HERC5: variants seen among roughly 807,000 people sequenced by gnomAD.
HERC5 encodes E3 ISG15--protein ligase HERC5.
HERC5 carries 99 observed loss-of-function variants against 119.6 expected under a neutral mutation model. That is an observed-to-expected ratio of 0.83 (90% CI 0.70 to 0.98). The LOEUF (loss-of-function observed/expected upper bound fraction) is 0.98, where lower values mean the gene tolerates loss of function less well. Among genes scored for constraint, HERC5 ranks in the 50% least tolerant of loss-of-function variants. The pLI is 0.00. For missense variants in HERC5, 1,267 were observed against 1,241.3 expected (o/e 1.02, Z -0.31); for synonymous variants, 478 against 445.9 (o/e 1.07, Z -0.91).
intron 20 of HERC5, among the ~76,000 whole-genome samples, chr4:88,501,785 T>C (rs762217360): frequency 1.3e-5 from 2 of 151,928 alleles, no homozygotes; most frequent in Non-Finnish European, 2.9e-5. Context: ...TATATCACAG[T>C]TTATTTATCT....
In HERC5 at chr4:88,471,677, A is replaced by G. The variant is rs568355339; in HGVS notation, c.1299-732A>G. Among the ~76,000 whole-genome samples the G allele has an allele frequency of 2.0e-5, 3 of 152,272 alleles. No homozygotes were observed. The East Asian group carries it at 5.8e-4, about 29-fold the overall frequency. ...AATGGCTGCATGACCTTCCATTAGA[A>G]GGTCTTCCATGAGAAGATACTTAAA... is the stretch of plus-strand genomic sequence containing the variant. On this transcript the variant is annotated intron_variant, in intron 10 of 22. Coordinates refer to ENST00000264350, the MANE Select transcript of HERC5 (RefSeq NM_016323.4).
At chr4:88,457,776 G>A (rs1191875463) in intron 1 of HERC5, 2 of 660,012 alleles carry the variant, frequency 3.0e-6, no homozygotes, top group African/African-American at 3.8e-5. Context: ...CAAAGTGGCC[G>A]GTGCGGGGCA....
At chr4:88,476,320 C>T in intron 12 of HERC5, among the ~76,000 whole-genome samples, 1 of 152,026 alleles carries the variant, frequency 6.6e-6, no homozygotes, top group Non-Finnish European at 1.5e-5. Flanking sequence ...TATGGTATAC[C>T]ATATGCAATA....
intron 13 of HERC5, among the ~76,000 whole-genome samples, chr4:88,483,408 A>C (rs59412540): frequency 6.7e-6 from 1 of 148,218 alleles, no homozygotes; most frequent in Non-Finnish European, 1.5e-5. Flanking sequence ...GGGCCTAACT[A>C]TGTTGCTCAG....
intron 11 of HERC5, among the ~76,000 whole-genome samples, chr4:88,474,564 G>A (rs1429467022): frequency 1.3e-5 from 2 of 152,322 alleles, no homozygotes; most frequent in Non-Finnish European, 1.5e-5. Context: ...GAATCTCATC[G>A]TAGGAGTCCA....
intron 11 of HERC5, among the ~76,000 whole-genome samples, chr4:88,475,195 C>A (rs1346116212): frequency 6.9e-6 from 1 of 143,928 alleles, no homozygotes; most frequent in African/African-American, 2.6e-5. Context: ...AAAAAAGAAA[C>A]CCACGGTGTG....
At chr4:88,462,505 C>T in intron 4 of HERC5, 149 bp downstream of exon 4, 1 of 676,016 alleles carries the variant, frequency 1.5e-6, no homozygotes, top group African/African-American at 1.8e-5. Flanking sequence ...CAGAATCAGT[C>T]CAAGAGGCAT....
At chr4:88,466,767 G>A (rs1463173110) in intron 6 of HERC5, among the ~76,000 whole-genome samples, 1 of 152,214 alleles carries the variant, frequency 6.6e-6, no homozygotes, top group Non-Finnish European at 1.5e-5. Flanking sequence ...TTTCCAAGAG[G>A]TGGTGACTCA....
chr4:88,468,233 A>G (rs1030215104), intron 7 of HERC5, 113 bp from the exon 8 acceptor site: 27 of 743,284 alleles, frequency 3.6e-5, no homozygotes, highest in African/African-American at 1.1e-4. Flanking sequence ...AGTTTTGTCT[A>G]TTAAGAAGAA....
chr4:88,465,189 A>G (rs775592002), intron 6 of HERC5, among the ~76,000 whole-genome samples: 1 of 152,238 alleles, frequency 6.6e-6, no homozygotes, highest in Non-Finnish European at 1.5e-5. Context: ...TGTTGGGATT[A>G]CAGGGGTGAG....
chr4:88,485,358 G>T (rs1490194744), intron 13 of HERC5, among the ~76,000 whole-genome samples: 1 of 152,188 alleles, frequency 6.6e-6, no homozygotes, highest in Non-Finnish European at 1.5e-5. Context: ...AATGATAAAT[G>T]TAAGGCCAAG....
At chr4:88,492,431 T>G (rs371634541) in intron 16 of HERC5, among the ~76,000 whole-genome samples, 4 of 152,124 alleles carry the variant, frequency 2.6e-5, no homozygotes, top group African/African-American at 9.6e-5. Context: ...GCTCTGGGGT[T>G]TGACTGATAA....
In HERC5 at chr4:88,462,348, A is replaced by C; in HGVS notation, c.680A>C (p.His227Pro). ...KNECGQLGLG[H>P]TESKDDPSLI... ...GAATGTGGACAACTAGGCCTGGGCC[A>C]CACTGAGAGTATGGAACACATTCTC... Residue 227 changes from histidine to proline, a missense_variant, in exon 4 of 23, where the codon CAC becomes CCC. His to Pro is a moderately conservative substitution (Grantham distance 77). Around this residue, in one of 3 missense-constraint regions of HERC5, gnomAD observed 777 missense variants for 758.0 expected, o/e 1.03. Transcript: ENST00000264350. The C allele has an allele frequency of 6.2e-7, 1 of 1,613,472 alleles. No homozygotes were observed. Among genetic ancestry groups the C allele is most frequent in the Non-Finnish European group, 8.5e-7 (1 of 1,179,338 alleles).
intron 4 of HERC5, among the ~76,000 whole-genome samples, 179 bp from the exon 5 acceptor site, chr4:88,463,353 T>TG (rs1204834658): frequency 1.3e-5 from 2 of 152,206 alleles, no homozygotes; most frequent in African/African-American, 2.4e-5. Context: ...TTTTGGCCAC[T>TG]GGTCCCACCT....
intron 18 of HERC5, among the ~76,000 whole-genome samples, chr4:88,497,535 T>C (rs1328370675): frequency 6.6e-6 from 1 of 152,144 alleles, no homozygotes; most frequent in African/African-American, 2.4e-5. Flanking sequence ...AACAATGAAA[T>C]AGGATATTTG....
At chr4:88,483,145 T>C (rs917835910) in intron 13 of HERC5, among the ~76,000 whole-genome samples, 1 of 152,194 alleles carries the variant, frequency 6.6e-6, no homozygotes, top group Admixed American at 6.5e-5. Context: ...AAGGAAATTT[T>C]TTTTCATGGA....
At chr4:88,492,296 G>T (rs986090662) in intron 16 of HERC5, among the ~76,000 whole-genome samples, 2 of 151,730 alleles carry the variant, frequency 1.3e-5, no homozygotes, top group Non-Finnish European at 2.9e-5. Context: ...GAGCCACCAC[G>T]CCCGGCCAAT....
intron 19 of HERC5, 92 bp downstream of exon 19, chr4:88,500,084 A>C: frequency 1.3e-6 from 1 of 784,426 alleles, no homozygotes; most frequent in East Asian, 2.5e-5. Flanking sequence ...ACTTAAAAAA[A>C]AAACCTGAAT....
At chr4:88,496,440 A>C (rs768293753) in intron 18 of HERC5, among the ~76,000 whole-genome samples, 1 of 152,226 alleles carries the variant, frequency 6.6e-6, no homozygotes, top group Admixed American at 6.5e-5. Flanking sequence ...ATGATGTATG[A>C]TATTGGTGCA....
Sources: allele counts gnomAD v4.1 joint callset (sites outside exome capture counted in the v4.1 genomes callset), GRCh38; gene constraint gnomAD v4.1.1; regional missense constraint gnomAD v4.1.1; transcripts MANE v1.5; gene names NCBI Gene and HGNC (gene_info 2026-07-23, HGNC 2026-07-21).